Variants in NIPSNAP3A observed in about 807,000 individuals in gnomAD.
NIPSNAP3A encodes nipsnap homolog 3A.
NIPSNAP3A carries 27 observed loss-of-function variants against 32.3 expected under a neutral mutation model. That is an observed-to-expected ratio of 0.84 (90% CI 0.62 to 1.15). NIPSNAP3A has a LOEUF of 1.15. Ranked by LOEUF, NIPSNAP3A falls within the 50% of genes most tolerant of loss-of-function variation. The pLI, the probability that NIPSNAP3A is intolerant of heterozygous loss-of-function variation, is 0.00. For synonymous variants in NIPSNAP3A, 108 were observed against 107.3 expected (o/e 1.01, Z -0.04); for missense variants, 278 against 297.2 (o/e 0.94, Z 0.48).
rs1290403603 is a variant in NIPSNAP3A at position 104,747,769 on chromosome 9, T to G, written c.-24T>G. The G allele has an allele frequency of 1.2e-6, 2 of 1,603,892 alleles. No individual in the cohort carries two copies. Among genetic ancestry groups the G allele is most frequent in the Admixed American group, 3.4e-5 (2 of 58,838 alleles). On this transcript the variant is annotated 5_prime_UTR_variant, in exon 1 of 6. Transcript: ENST00000374767. Reference sequence around the variant, plus strand: ...TCTCAGAAAGGACACGGCTGGCTGCTTTTCTCAGCGCCGAAGCCGCGCCAT... The same window carrying G: ...TCTCAGAAAGGACACGGCTGGCTGCGTTTCTCAGCGCCGAAGCCGCGCCAT...
intron 2 of NIPSNAP3A, among the ~76,000 whole-genome samples, chr9:104,751,684 C>T (rs981526905): frequency 6.6e-6 from 1 of 152,140 alleles, no homozygotes; most frequent in Non-Finnish European, 1.5e-5. Context: ...TTTCAATCCT[C>T]ACTGAACTCT....
Position 104,754,454 on chromosome 9 carries a change from A to C in NIPSNAP3A, c.431-97A>C. ...ATATGTATGCATGTCTGATCCTCCA[A>C]ATCTGTGTGTGTAGATAGTGAAAGA... On this transcript the variant is annotated intron_variant, in intron 3 of 5. Transcript: ENST00000374767. 4 of 1,012,936 alleles carry C rather than the reference A, an allele frequency of 3.9e-6. No individual in the cohort carries two copies. The South Asian group carries it at 5.7e-5, about 14-fold the overall frequency. 62.7% of individuals were successfully genotyped at this position (1,012,936 alleles called of 1,614,324 possible).
chr9:104,753,620 AT>A (rs1314074703), intron 3 of NIPSNAP3A: 2 of 152,790 alleles, frequency 1.3e-5, no homozygotes, highest in Admixed American at 1.3e-4. Flanking sequence ...CTTCTTGCTG[AT>A]TTCACTTCTT....
Position 104,749,125 on chromosome 9 carries a change from C to G in NIPSNAP3A, c.60+1273C>G, listed in dbSNP as rs542578087. ...GATCAACTATTTTATCCTCCAAATA[C>G]AAATTCCTCGAATCAACCTGAAATC... On this transcript the variant is annotated intron_variant, in intron 1 of 5. Coordinates refer to ENST00000374767, the MANE Select transcript of NIPSNAP3A (RefSeq NM_015469.3). Among the ~76,000 whole-genome samples the G allele has an allele frequency of 1.4e-4, 22 of 152,310 alleles. No homozygotes were observed. In the South Asian group the frequency reaches 2.1e-3, roughly 14 times the overall value.
rs980085723 is a variant in NIPSNAP3A, at chr9:104,759,518, C to G, written c.*180C>G. On this transcript the variant is annotated 3_prime_UTR_variant, in exon 6 of 6. Coordinates refer to ENST00000374767, the MANE Select transcript of NIPSNAP3A (RefSeq NM_015469.3). ...GTAAGTACCACTTCAAAAAATAGTT[C>G]TGTTTACTTTCTGCATGGTATTTCA... 3.3e-6 allele frequency: 2 copies of G among 612,312 alleles called. No individual in the cohort carries two copies. Among genetic ancestry groups the G allele is most frequent in the Admixed American group, 2.9e-5 (1 of 34,754 alleles). The allele number at this position is 612,312 out of a possible 1,614,324, so 37.9% of individuals were successfully genotyped here.
chr9:104,754,395 C>T, intron 3 of NIPSNAP3A, 156 bp from the exon 4 acceptor site: 2 of 623,806 alleles, frequency 3.2e-6, no homozygotes, highest in Non-Finnish European at 5.6e-6. Flanking sequence ...AGCATAAAAG[C>T]AGAGAGTGCA....
chr9:104,758,470 A>C (rs1827930556), intron 4 of NIPSNAP3A, among the ~76,000 whole-genome samples: 1 of 152,080 alleles, frequency 6.6e-6, no homozygotes, highest in Non-Finnish European at 1.5e-5. Flanking sequence ...GGAAATCATA[A>C]AATTTGGGTC....
In NIPSNAP3A at chr9:104,747,872, C is replaced by T; in HGVS notation, c.60+20C>T. Reference sequence around the variant, plus strand: ...CCTCAGGTACCGGCCACGGGGGTACCCAAGCCTTCACCCGACGGGAGGGGA... The same window carrying T: ...CCTCAGGTACCGGCCACGGGGGTACTCAAGCCTTCACCCGACGGGAGGGGA... On this transcript the variant is annotated intron_variant, in intron 1 of 5. Coordinates refer to ENST00000374767, the MANE Select transcript of NIPSNAP3A (RefSeq NM_015469.3). 3 of 1,594,610 alleles carry T rather than the reference C, an allele frequency of 1.9e-6. No individual in the cohort carries two copies. The highest frequency in any genetic ancestry group is 2.6e-6 in the Non-Finnish European group (3 of 1,173,824).
intron 1 of NIPSNAP3A, among the ~76,000 whole-genome samples, chr9:104,750,638 T>C (rs1016336240): frequency 6.6e-6 from 1 of 152,208 alleles, no homozygotes; most frequent in Non-Finnish European, 1.5e-5. Context: ...ACTGAAACCC[T>C]AGAAAATTCT....
chr9:104,754,662 T>C lies in NIPSNAP3A; in HGVS notation c.542T>C (p.Val181Ala), dbSNP rs1827885338. 1 of 1,614,100 alleles carries C rather than the reference T, an allele frequency of 6.2e-7. No individual in the cohort carries two copies. Among genetic ancestry groups the C allele is most frequent in the East Asian group, 2.2e-5 (1 of 44,878 alleles). ...GTCAATCTAGGCTACACAAAACTAG[T>C]TGGAGTGTTCCACACAGAGTACGGA... ...AHVNLGYTKLVGVFHTEYGAL... is the reference protein window; with the variant it reads ...AHVNLGYTKLAGVFHTEYGAL... Residue 181 changes from valine to alanine, a missense_variant, in exon 4 of 6, where the codon GTT becomes GCT. Physicochemically the swap from Val to Ala is moderately conservative, Grantham distance 64. Transcript: ENST00000374767.
In NIPSNAP3A at chr9:104,751,129, A is replaced by G; in HGVS notation, c.234A>G (p.Gly78=). 6.2e-7 allele frequency: 1 copy of G among 1,613,956 alleles called. No homozygotes were observed. Among genetic ancestry groups the G allele is most frequent in the Non-Finnish European group, 8.5e-7 (1 of 1,179,890 alleles). Residue 78 remains glycine, a synonymous_variant, in exon 2 of 6, where the codon GGA becomes GGG. Transcript: ENST00000374767. The stretch of plus-strand genomic sequence containing the variant: ...TTGGATACTGGAGTGTAGAATTTGG[A>G]GGCAGAATGAATACAGTGTTTCATA... ...ELVGYWSVEF[G]GRMNTVFHIW...
Position 104,758,971 on chromosome 9 carries a change from CAAAAAAA to C in NIPSNAP3A, c.581-95_581-89del, listed in dbSNP as rs34457398. The stretch of plus-strand genomic sequence containing the variant: ...GGTGACAAGAGTGAAACTCTTGTTT[CAAAAAAA>C]AAAAAAAAAAAAAAAAAAGAATAGG... On this transcript the variant is annotated intron_variant, in intron 4 of 5. Coordinates refer to ENST00000374767, the MANE Select transcript of NIPSNAP3A (RefSeq NM_015469.3). The C allele has an allele frequency of 3.2e-4, 128 of 402,452 alleles. No individual in the cohort carries two copies. In the Middle Eastern group the frequency reaches 3.6e-3, roughly 11 times the overall value. The allele number at this position is 402,452 out of a possible 1,614,324, so 24.9% of individuals were successfully genotyped here. A position where few individuals can be genotyped will look rare whatever the true frequency, so the allele number is the denominator to read the frequency against.
rs1038791396 is a variant in NIPSNAP3A, at chr9:104,755,088, C to A, written c.580+388C>A. 3.3e-5 allele frequency among the ~76,000 whole-genome samples: 5 copies of A among 151,854 alleles called. No individual in the cohort carries two copies. In the South Asian group the frequency reaches 8.3e-4, roughly 25 times the overall value. ...AACCCCGTCTCTAGTAAAAATAGAA[C>A]AAATTAGCCAGGCATGGTGGTGGGG... On this transcript the variant is annotated intron_variant, in intron 4 of 5. Transcript: ENST00000374767.
chr9:104,749,673 A>ATG (rs968342645), intron 1 of NIPSNAP3A, among the ~76,000 whole-genome samples: 1 of 152,006 alleles, frequency 6.6e-6, no homozygotes, highest in African/African-American at 2.4e-5. Flanking sequence ...GTGTGTGCGT[A>ATG]TGTGTGTGTG....
chr9:104,750,951 T>C lies in NIPSNAP3A; in HGVS notation c.61-5T>C, dbSNP rs753636370. 1.9e-6 allele frequency: 3 copies of C among 1,604,540 alleles called. No homozygotes were observed. In the African/African-American group the frequency reaches 4.0e-5, roughly 21 times the overall value. ...AGATATTTACATTTGTCTTATCTTC[T>C]TCAGATGTGCTCATCTTTTGCTACG... On this transcript the variant is annotated splice_region_variant and splice_polypyrimidine_tract_variant and intron_variant, in intron 1 of 5. Transcript: ENST00000374767.
At chr9:104,749,295 G>T (rs1827818080) in intron 1 of NIPSNAP3A, among the ~76,000 whole-genome samples, 1 of 152,114 alleles carries the variant, frequency 6.6e-6, no homozygotes, top group African/African-American at 2.4e-5. Flanking sequence ...TCCACAAAAG[G>T]CAGGGGCAGC....
At position 104,759,404 on chromosome 9, in the gene NIPSNAP3A, T is replaced by G; in HGVS notation, c.*66T>G. 6.7e-7 allele frequency: 1 copy of G among 1,495,756 alleles called. No homozygotes were observed. The highest frequency in any genetic ancestry group is 9.3e-7 in the Non-Finnish European group (1 of 1,079,300). 92.7% of individuals were successfully genotyped at this position (1,495,756 alleles called of 1,614,324 possible). A position where few individuals can be genotyped will look rare whatever the true frequency, so the allele number is the denominator to read the frequency against. ...GATCTGTCTGCTAATGGTGCTTAAATTCTCCCAAGAGGTTCTCACTTTTAT... is the reference window on the plus strand; with the variant it reads ...GATCTGTCTGCTAATGGTGCTTAAAGTCTCCCAAGAGGTTCTCACTTTTAT... On this transcript the variant is annotated 3_prime_UTR_variant, in exon 6 of 6. Coordinates refer to ENST00000374767, the MANE Select transcript of NIPSNAP3A (RefSeq NM_015469.3).
At position 104,754,687 on chromosome 9, in the gene NIPSNAP3A, A is replaced by C. The variant is rs1177925291; in HGVS notation, c.567A>C (p.Gly189=). 3 of 1,613,594 alleles carry C rather than the reference A, an allele frequency of 1.9e-6. No individual in the cohort carries two copies. The African/African-American group carries it at 4.0e-5, about 22-fold the overall frequency. ...KLVGVFHTEY[G]ALNRVHVLWW... is the part of the protein sequence containing the mutation. ...TTGGAGTGTTCCACACAGAGTACGGAGCACTCAACAGAGGTACAATTGTCC... is the reference window on the plus strand; with the variant it reads ...TTGGAGTGTTCCACACAGAGTACGGCGCACTCAACAGAGGTACAATTGTCC... The change falls in exon 4 of 6, where the codon GGA becomes GGC. Residue 189 remains glycine (G), a synonymous_variant. Coordinates refer to ENST00000374767, the MANE Select transcript of NIPSNAP3A (RefSeq NM_015469.3).
In NIPSNAP3A at chr9:104,759,354, C is replaced by T. The variant is rs770618358; in HGVS notation, c.*16C>T. ...ACTGAAATAGTTTTCTACTGAAATA[C>T]AAAACATTTCATTAACTGCTATAGG... On this transcript the variant is annotated 3_prime_UTR_variant, in exon 6 of 6. Transcript: ENST00000374767. 10 of 1,602,964 alleles carry T rather than the reference C, an allele frequency of 6.2e-6. No homozygotes were observed. Among genetic ancestry groups the T allele is most frequent in the Middle Eastern group, 2.0e-4 (1 of 4,936 alleles).
Sources: allele counts gnomAD v4.1 joint callset (sites outside exome capture counted in the v4.1 genomes callset), GRCh38; gene constraint gnomAD v4.1.1; transcripts MANE v1.5; gene names NCBI Gene and HGNC (gene_info 2026-07-23, HGNC 2026-07-21).